TMPRSS9: variants seen among roughly 807,000 people sequenced by gnomAD.
TMPRSS9 encodes transmembrane protease serine 9.
In TMPRSS9, 113 loss-of-function variants were observed where a neutral mutation model predicts 111.4. That is an observed-to-expected ratio of 1.01 (90% confidence interval 0.87 to 1.19). TMPRSS9 has a LOEUF of 1.19. TMPRSS9 is among the 50% of genes most tolerant of loss of function. The pLI is 0.00. For synonymous variants in TMPRSS9, 805 were observed against 659.1 expected (o/e 1.22, Z -3.39); for missense variants, 1,803 against 1,513.1 (o/e 1.19, Z -3.18).
intron 4 of TMPRSS9, among the ~76,000 whole-genome samples, chr19:2,401,273 C>CAA (rs534945361): frequency 7.1e-4 from 103 of 145,296 alleles, no homozygotes; most frequent in African/African-American, 2.6e-3. Context: ...GACTCCGTCT[C>CAA]AAAAAAAAAA....
At chr19:2,424,337 T>C (rs967009257) in intron 15 of TMPRSS9, 80 bp downstream of exon 16, 26 of 1,260,378 alleles carry the variant, frequency 2.1e-5, no homozygotes, top group Non-Finnish European at 2.6e-5. Context: ...AAACGCACCC[T>C]GACCCCCTCC....
chr19:2,379,600 A>C (rs1156649839), intron 1 of TMPRSS9, among the ~76,000 whole-genome samples: 1 of 129,408 alleles, frequency 7.7e-6, no homozygotes, highest in Non-Finnish European at 1.7e-5. Context: ...GACATTCCCT[A>C]AACTAACTTT....
exon 18 of TMPRSS9, chr19:2,426,117 C>CT: frequency 6.3e-7 from 1 of 1,587,792 alleles, no homozygotes; most frequent in Non-Finnish European, 8.5e-7. Flanking sequence ...GGCCGAGACT[C>CT]TACGTGAAAG....
chr19:2,371,213 G>A (rs1970287377), intron 1 of TMPRSS9, among the ~76,000 whole-genome samples: 1 of 152,150 alleles, frequency 6.6e-6, no homozygotes, highest in South Asian at 2.1e-4. Flanking sequence ...TCTGGAGGCT[G>A]GAAACAGACA....
At chr19:2,371,912 G>A (rs866667694) in intron 1 of TMPRSS9, among the ~76,000 whole-genome samples, 4 of 152,156 alleles carry the variant, frequency 2.6e-5, no homozygotes, top group Admixed American at 6.6e-5. Flanking sequence ...GGCTGGTCGA[G>A]CCACAGGCTC....
At chr19:2,363,807 T>C (rs4807241) in intron 1 of TMPRSS9, among the ~76,000 whole-genome samples, 28,808 of 104,860 alleles carry the variant, frequency 0.27, 3,309 homozygotes, top group Middle Eastern at 0.36. Context: ...TGTGTGTGCG[T>C]GCGCGCGTGT....
At chr19:2,368,774 G>GGTTTTTTTTTTTTT (rs1970265914) in intron 1 of TMPRSS9, among the ~76,000 whole-genome samples, 1 of 70,366 alleles carries the variant, frequency 1.4e-5, no homozygotes, top group East Asian at 5.0e-4. Flanking sequence ...GATAAACCCA[G>GGTTTTTTTTTTTTT]TTTTTTTTTT....
At chr19:2,410,260 G>C in exon 9 of TMPRSS9, 1 of 1,613,868 alleles carries the variant, frequency 6.2e-7, no homozygotes. Context: ...TCGGCCAGTG[G>C]TCAAGCCAGA....
At chr19:2,390,423 T>G (rs868848079) in intron 1 of TMPRSS9, among the ~76,000 whole-genome samples, 39 of 150,068 alleles carry the variant, frequency 2.6e-4, no homozygotes, top group Middle Eastern at 6.8e-3. Flanking sequence ...TTTTGTATTT[T>G]TAGTAGAGAC....
At chr19:2,405,255 C>G in intron 6 of TMPRSS9, 119 bp from the exon 8 acceptor site, 1 of 1,361,054 alleles carries the variant, frequency 7.3e-7, no homozygotes, top group Non-Finnish European at 9.6e-7. Flanking sequence ...AGGAGGGGCC[C>G]CCAAGCATCT....
At chr19:2,412,019 C>T (rs1971106382) in intron 9 of TMPRSS9, among the ~76,000 whole-genome samples, 2 of 152,050 alleles carry the variant, frequency 1.3e-5, no homozygotes, top group African/African-American at 4.8e-5. Flanking sequence ...TTGTGGTTAA[C>T]TGTATTTCAG....
rs1465426225 is a variant in TMPRSS9, at chr19:2,414,126, A to T, written c.1573+108A>T. The T allele has an allele frequency of 2.5e-6, 3 of 1,206,366 alleles. No individual in the cohort carries two copies. The Admixed American group carries it at 8.4e-5, about 34-fold the overall frequency. The allele number at this position is 1,206,366 out of a possible 1,614,324, so 74.7% of individuals were successfully genotyped here. On this transcript the variant is annotated intron_variant, in intron 10 of 17. Coordinates refer to ENST00000648592, the Ensembl canonical transcript of TMPRSS9. The stretch of plus-strand genomic sequence containing the variant: ...TAATTTTGGATCTTCCTGTTCAAGG[A>T]AAGGTCACATGTGTATCCGTTTATT...
At chr19:2,425,862 A>G (rs866997707) in intron 17 of TMPRSS9, 65 bp from the exon 19 acceptor site, 3 of 1,512,756 alleles carry the variant, frequency 2.0e-6, no homozygotes, top group African/African-American at 2.8e-5. Context: ...AGAGGGGCCA[A>G]TGACCCAAGG....
intron 1 of TMPRSS9, among the ~76,000 whole-genome samples, chr19:2,362,792 GGTT>G (rs1337224725): frequency 1.3e-5 from 2 of 151,986 alleles, no homozygotes; most frequent in Admixed American, 6.6e-5. Context: ...GGTGGAGTGA[GGTT>G]GTGTGTGGTT....
At chr19:2,397,045 C>G (rs535061503) in intron 2 of TMPRSS9, among the ~76,000 whole-genome samples, 2 of 150,986 alleles carry the variant, frequency 1.3e-5, no homozygotes, top group Non-Finnish European at 1.5e-5. Flanking sequence ...CTCAGCCTCC[C>G]GAGTAGCTGG....
At chr19:2,414,225 C>T (rs910243986) in intron 10 of TMPRSS9, 7 of 527,510 alleles carry the variant, frequency 1.3e-5, no homozygotes, top group East Asian at 6.0e-5. Context: ...TTAACTATGG[C>T]GATCTATCAA....
intron 1 of TMPRSS9, chr19:2,396,231 G>C (rs1308049397): frequency 2.2e-5 from 6 of 272,808 alleles, no homozygotes. Flanking sequence ...ACCTCTTTCT[G>C]CCTTCGAGGA....
rs138498752 is a variant in TMPRSS9 at position 2,365,488 on chromosome 19, G to A, written c.-26+5128G>A. 4.0e-3 allele frequency among the ~76,000 whole-genome samples: 609 copies of A among 152,256 alleles called. 6 individuals are homozygous for A. The highest frequency in any genetic ancestry group is 0.013 in the African/African-American group (558 of 41,536). On this transcript the variant is annotated intron_variant, in intron 1 of 17. Transcript: ENST00000649857. ...AGGAAGAAATAAGAGAGGCCATGGC[G>A]TAGACAACAGCTGTCTGTTCTATAA...
At chr19:2,425,294 G>A in intron 16 of TMPRSS9, 27 bp downstream of exon 17, 2 of 1,222,196 alleles carry the variant, frequency 1.6e-6, no homozygotes, top group Non-Finnish European at 2.0e-6. Context: ...CCGCGGTGGT[G>A]CGGGGCTCGG....
Sources: gnomAD v4.1 joint callset for allele counts (sites outside exome capture counted in the v4.1 genomes callset) on GRCh38, gnomAD v4.1.1 for gene constraint, MANE v1.5 for transcripts, NCBI Gene and HGNC (gene_info 2026-07-23, HGNC 2026-07-21) for gene names.